ALK: variants seen among roughly 807,000 people sequenced by gnomAD.
ALK encodes ALK receptor tyrosine kinase, also known as ALK tyrosine kinase receptor.
ALK carries 74 observed loss-of-function variants against 163.1 expected under a neutral mutation model. The observed-to-expected ratio is 0.45, with a 90% CI of 0.38 to 0.55. The LOEUF (loss-of-function observed/expected upper bound fraction) is 0.55. Among genes scored for constraint, ALK ranks in the 20% least tolerant of loss-of-function variants. The probability of loss-of-function intolerance (pLI) is 0.00; values close to 1 mark genes in which losing one functional copy is unlikely to be tolerated. For missense variants in ALK, 2,063 were observed against 2,105.3 expected (o/e 0.98, Z 0.39); for synonymous variants, 960 against 843.2 (o/e 1.14, Z -2.40).
chr2:29,300,036 G>C (rs1442286078), intron 8 of ALK, among the ~76,000 whole-genome samples: 1 of 152,212 alleles, frequency 6.6e-6, no homozygotes, highest in Non-Finnish European at 1.5e-5. Flanking sequence ...ACAAGGCAAG[G>C]TGGCAGCATC....
chr2:29,571,759 G>A (rs1037013875), intron 3 of ALK, among the ~76,000 whole-genome samples: 5 of 151,732 alleles, frequency 3.3e-5, no homozygotes, highest in African/African-American at 1.2e-4. Flanking sequence ...TCAGACTACA[G>A]GTGTGCACCA....
At chr2:29,852,936 T>C (rs11682395) in intron 1 of ALK, among the ~76,000 whole-genome samples, 73,276 of 151,598 alleles carry the variant, frequency 0.48, 18,910 homozygotes, top group East Asian at 0.83. Context: ...CAGCCATCAC[T>C]GGTGGACACT....
At chr2:29,228,565 G>A (rs533014600) in intron 16 of ALK, among the ~76,000 whole-genome samples, 1 of 152,234 alleles carries the variant, frequency 6.6e-6, no homozygotes, top group South Asian at 2.1e-4. Flanking sequence ...GGCCATCCAA[G>A]GGAGGCTGGG....
intron 3 of ALK, among the ~76,000 whole-genome samples, chr2:29,607,485 C>A (rs758140518): frequency 2.0e-5 from 3 of 152,208 alleles, no homozygotes; most frequent in Non-Finnish European, 4.4e-5. Context: ...CCCATCCTCT[C>A]TTGAACCCAC....
At chr2:29,543,596 A>T in intron 3 of ALK, among the ~76,000 whole-genome samples, 2 of 152,250 alleles carry the variant, frequency 1.3e-5, no homozygotes, top group East Asian at 3.8e-4. Flanking sequence ...GATATTGAAA[A>T]AGGAATGAAG....
chr2:29,893,521 C>T (rs1052107606), intron 1 of ALK, among the ~76,000 whole-genome samples: 1 of 152,096 alleles, frequency 6.6e-6, no homozygotes, highest in African/African-American at 2.4e-5. Flanking sequence ...TAACTAACAA[C>T]CTCCCGAATT....
intron 1 of ALK, among the ~76,000 whole-genome samples, chr2:29,896,346 G>C (rs756836625): frequency 3.9e-5 from 6 of 152,068 alleles, no homozygotes; most frequent in East Asian, 1.9e-4. Context: ...GTGCTGTTAC[G>C]GGCTGAGTCA....
At chr2:29,868,730 C>T (rs1666504628) in intron 1 of ALK, among the ~76,000 whole-genome samples, 1 of 152,198 alleles carries the variant, frequency 6.6e-6, no homozygotes, top group Non-Finnish European at 1.5e-5. Flanking sequence ...GTCTCCCATC[C>T]CACACGTTTT....
chr2:29,805,778 A>G (rs1349905922), intron 1 of ALK, among the ~76,000 whole-genome samples: 2 of 152,046 alleles, frequency 1.3e-5, no homozygotes, highest in Non-Finnish European at 2.9e-5. Context: ...TGTCTTGGCT[A>G]TTGTGAATAA....
At chr2:29,493,853 AG>A (rs1374608206) in intron 4 of ALK, among the ~76,000 whole-genome samples, 1 of 152,226 alleles carries the variant, frequency 6.6e-6, no homozygotes, top group Non-Finnish European at 1.5e-5. Flanking sequence ...CAGCCCAGTG[AG>A]GCCCTCTTTG....
chr2:29,243,580 C>G (rs1664578823), intron 12 of ALK, among the ~76,000 whole-genome samples: 1 of 152,154 alleles, frequency 6.6e-6, no homozygotes, highest in Admixed American at 6.5e-5. Context: ...GTGGGCGAAC[C>G]AGGGCATGGC....
At chr2:29,621,325 ATC>A (rs1217149140) in intron 3 of ALK, among the ~76,000 whole-genome samples, 2 of 152,198 alleles carry the variant, frequency 1.3e-5, no homozygotes, top group Non-Finnish European at 2.9e-5. Flanking sequence ...TAGAAAAGAT[ATC>A]TGTTTTCTTC....
intron 3 of ALK, among the ~76,000 whole-genome samples, chr2:29,533,062 G>A (rs1673161094): frequency 1.3e-5 from 2 of 152,192 alleles, no homozygotes; most frequent in Non-Finnish European, 1.5e-5. Context: ...CCAAGGCAAA[G>A]CATTACTCAA....
At chr2:29,531,288 C>A (rs1673111652) in intron 4 of ALK, among the ~76,000 whole-genome samples, 1 of 151,994 alleles carries the variant, frequency 6.6e-6, no homozygotes, top group Non-Finnish European at 1.5e-5. Context: ...ACAGAAGTGC[C>A]CTAGTTTAAG....
At chr2:29,546,724 T>C (rs1047080843) in intron 3 of ALK, among the ~76,000 whole-genome samples, 4 of 152,210 alleles carry the variant, frequency 2.6e-5, no homozygotes, top group African/African-American at 9.6e-5. Flanking sequence ...CTTTTAAAAT[T>C]TTTGCTAAGA....
At chr2:29,289,865 T>C (rs992435419) in intron 9 of ALK, among the ~76,000 whole-genome samples, 1 of 152,102 alleles carries the variant, frequency 6.6e-6, no homozygotes, top group Non-Finnish European at 1.5e-5. Context: ...CAGGTGCCTG[T>C]TGGGAAGCAA....
At chr2:29,888,651 G>C (rs999207422) in intron 1 of ALK, among the ~76,000 whole-genome samples, 1 of 152,098 alleles carries the variant, frequency 6.6e-6, no homozygotes, top group African/African-American at 2.4e-5. Context: ...TACCTAATTA[G>C]CTCTGGAGTA....
intron 4 of ALK, among the ~76,000 whole-genome samples, chr2:29,430,952 T>C (rs749841791): frequency 5.9e-4 from 89 of 151,338 alleles, no homozygotes; most frequent in Non-Finnish European, 9.6e-4. Context: ...TGGGCTGAAA[T>C]GCAAGGTGAG....
chr2:29,620,106 T>A (rs1013432441), intron 3 of ALK, among the ~76,000 whole-genome samples: 3 of 152,198 alleles, frequency 2.0e-5, no homozygotes, highest in African/African-American at 7.2e-5. Context: ...ATAATTAGTA[T>A]TAAAAGTAGG....
Sources: gnomAD v4.1 joint callset for allele counts (sites outside exome capture counted in the v4.1 genomes callset) on GRCh38, gnomAD v4.1.1 for gene constraint, MANE v1.5 for transcripts, NCBI Gene and HGNC (gene_info 2026-07-23, HGNC 2026-07-21) for gene names.